Variants in SYT1 observed in about 807,000 individuals in gnomAD.
The protein encoded by SYT1 is synaptotagmin 1.
A neutral mutation model predicts 44.8 loss-of-function variants in SYT1; 8 were observed. That is an observed-to-expected ratio of 0.18 (90% confidence interval 0.10 to 0.32). The LOEUF is 0.32. SYT1 is among the 10% of genes least tolerant of loss of function. SYT1 has a pLI of 1.00. For synonymous variants in SYT1, 154 were observed against 188.8 expected (o/e 0.82, Z 1.51); for missense variants, 286 against 509.3 (o/e 0.56, Z 4.22).
intron 3 of SYT1, among the ~76,000 whole-genome samples, chr12:79,089,059 C>T (rs1877594547): frequency 6.6e-6 from 1 of 151,676 alleles, no homozygotes; most frequent in Admixed American, 6.6e-5. Flanking sequence ...AAGGAATTAA[C>T]CTGGGTTAGG....
At chr12:78,873,565 T>C (rs947052236) in intron 1 of SYT1, among the ~76,000 whole-genome samples, 1 of 151,638 alleles carries the variant, frequency 6.6e-6, no homozygotes, top group African/African-American at 2.4e-5. Context: ...TGTTTTCTTA[T>C]TTGTAAACTC....
At chr12:79,055,928 T>A (rs1213981262) in intron 3 of SYT1, among the ~76,000 whole-genome samples, 1 of 152,038 alleles carries the variant, frequency 6.6e-6, no homozygotes, top group African/African-American at 2.4e-5. Context: ...TATATAGCAG[T>A]GACACCTTAA....
intron 9 of SYT1, among the ~76,000 whole-genome samples, chr12:79,404,561 G>A (rs1885178152): frequency 6.6e-6 from 1 of 152,138 alleles, no homozygotes; most frequent in South Asian, 2.1e-4. Flanking sequence ...AACTTATCTG[G>A]AGAAGTCAGC....
intron 3 of SYT1, among the ~76,000 whole-genome samples, chr12:79,093,529 A>G (rs1395531740): frequency 3.3e-5 from 5 of 151,584 alleles, no homozygotes; most frequent in Admixed American, 2.0e-4. Context: ...GTTTTTTACC[A>G]GTGCACTTTT....
chr12:79,312,467 C>T (rs904244417), intron 8 of SYT1, among the ~76,000 whole-genome samples: 1 of 152,192 alleles, frequency 6.6e-6, no homozygotes, highest in Admixed American at 6.5e-5. Context: ...CTTTTCTAGT[C>T]CCACTCCCCC....
At chr12:79,071,462 T>C (rs1159204661) in intron 3 of SYT1, among the ~76,000 whole-genome samples, 1 of 152,154 alleles carries the variant, frequency 6.6e-6, no homozygotes, top group African/African-American at 2.4e-5. Context: ...CAATAAACAC[T>C]ACTATAGATC....
At position 78,931,232 on chromosome 12, in the gene SYT1, AAAGAAAGAAGG is replaced by A. The variant is rs1565723418; in HGVS notation, c.-216-46563_-216-46553del. Among the ~76,000 whole-genome samples, 169 of 63,194 alleles carry A rather than the reference AAAGAAAGAAGG, an allele frequency of 2.7e-3. 5 individuals are homozygous for A. The highest frequency in any genetic ancestry group is 8.0e-3 in the African/African-American group (88 of 10,964). The allele number at this position is 63,194 out of a possible 152,430, so 41.5% of individuals were successfully genotyped here. A position where few individuals can be genotyped will look rare whatever the true frequency, so the allele number is the denominator to read the frequency against. On this transcript the variant is annotated intron_variant, in intron 1 of 10. Transcript: ENST00000261205. ...GAAAGAAAGAAAGAAAGAAAGAAAG[AAAGAAAGAAGG>A]AAGGAAGGAAGGAAGGAAGGAAGGA...
intron 3 of SYT1, among the ~76,000 whole-genome samples, chr12:79,166,604 A>T (rs1477558096): frequency 5.9e-5 from 9 of 152,136 alleles, no homozygotes; most frequent in Non-Finnish European, 1.5e-5. Flanking sequence ...ATGGTTCAAT[A>T]GCATCACAAA....
At chr12:79,047,249 G>A (rs1035414302) in intron 2 of SYT1, 48 bp from the exon 3 acceptor site, 1 of 151,488 alleles carries the variant, frequency 6.6e-6, no homozygotes, top group African/African-American at 2.4e-5. Context: ...AAATGATTCT[G>A]AACTATGTGT....
At chr12:79,304,767 ATTTGTTGT>A (rs1365638101) in intron 8 of SYT1, among the ~76,000 whole-genome samples, 4 of 152,078 alleles carry the variant, frequency 2.6e-5, no homozygotes, top group Non-Finnish European at 4.4e-5. Context: ...TGCCTAGAAT[ATTTGTTGT>A]TAATCAATTT....
chr12:79,274,909 T>A (rs1878629906), intron 4 of SYT1, among the ~76,000 whole-genome samples: 1 of 152,218 alleles, frequency 6.6e-6, no homozygotes, highest in Non-Finnish European at 1.5e-5. Flanking sequence ...GATACATCAC[T>A]TCCCTGTCAC....
chr12:79,317,996 T>C (rs1392016993), intron 8 of SYT1, among the ~76,000 whole-genome samples: 1 of 152,158 alleles, frequency 6.6e-6, no homozygotes, highest in Non-Finnish European at 1.5e-5. Flanking sequence ...TACTGAGCTG[T>C]GAAGAATTGC....
intron 4 of SYT1, among the ~76,000 whole-genome samples, chr12:79,232,314 G>C (rs970650840): frequency 2.6e-5 from 4 of 152,174 alleles, no homozygotes; most frequent in Admixed American, 2.0e-4. Flanking sequence ...ACTTTTCTGC[G>C]AGAAGGACTT....
intron 2 of SYT1, among the ~76,000 whole-genome samples, chr12:79,040,575 C>T (rs1416337049): frequency 1.3e-4 from 19 of 151,862 alleles, no homozygotes; most frequent in African/African-American, 4.6e-4. Context: ...TTGTAGGTTG[C>T]CTGTTCACTC....
chr12:79,435,584 T>C (rs1241763613), intron 9 of SYT1, among the ~76,000 whole-genome samples: 3 of 152,176 alleles, frequency 2.0e-5, no homozygotes, highest in Non-Finnish European at 4.4e-5. Context: ...TCTTCCTATC[T>C]TGTTGTTCTG....
At chr12:79,129,106 A>G (rs921749788) in intron 3 of SYT1, among the ~76,000 whole-genome samples, 5 of 152,164 alleles carry the variant, frequency 3.3e-5, no homozygotes, top group Non-Finnish European at 7.4e-5. Flanking sequence ...CCTCTCCTTT[A>G]GCTTTATGTG....
intron 3 of SYT1, among the ~76,000 whole-genome samples, chr12:79,058,949 G>A (rs1023850295): frequency 1.3e-5 from 2 of 152,052 alleles, no homozygotes; most frequent in African/African-American, 4.8e-5. Context: ...AATGAGGTAT[G>A]TATTAGTCTG....
intron 1 of SYT1, among the ~76,000 whole-genome samples, chr12:78,870,545 T>C (rs558428644): frequency 6.6e-6 from 1 of 152,240 alleles, no homozygotes; most frequent in Non-Finnish European, 1.5e-5. Flanking sequence ...TTTGAAGAGT[T>C]TGAAATGTAA....
At chr12:79,320,669 T>G (rs1055912092) in intron 8 of SYT1, among the ~76,000 whole-genome samples, 2 of 147,358 alleles carry the variant, frequency 1.4e-5, no homozygotes, top group Non-Finnish European at 3.0e-5. Context: ...TTTTTTTTTT[T>G]GAGACAGAGT....
Sources: gnomAD v4.1 joint callset for allele counts (sites outside exome capture counted in the v4.1 genomes callset) on GRCh38, gnomAD v4.1.1 for gene constraint, MANE v1.5 for transcripts, NCBI Gene and HGNC (gene_info 2026-07-23, HGNC 2026-07-21) for gene names.